Variants in PLXNA2 observed in about 807,000 individuals in gnomAD.
PLXNA2 encodes plexin A2.
Under a neutral mutation model 193.5 loss-of-function variants are expected in PLXNA2, and 91 were observed. The observed-to-expected ratio is 0.47, with a 90% CI of 0.40 to 0.56. The LOEUF (loss-of-function observed/expected upper bound fraction) is 0.56, where lower values mean the gene tolerates loss of function less well. Ranked by LOEUF, PLXNA2 falls within the 20% of genes least tolerant of loss-of-function variation. The pLI, the probability that PLXNA2 is intolerant of heterozygous loss-of-function variation, is 0.00. For missense variants in PLXNA2, 1,995 were observed against 2,503.2 expected, an observed-to-expected ratio of 0.80 and a Z score of 4.33; for synonymous variants, 997 against 1,027.3, an observed-to-expected ratio of 0.97 and a Z score of 0.56.
At chr1:208,154,686 G>T (rs1288284833) in intron 3 of PLXNA2, among the ~76,000 whole-genome samples, 10 of 152,136 alleles carry the variant, frequency 6.6e-5, no homozygotes, top group Non-Finnish European at 1.0e-4. Flanking sequence ...GATTTTTTTT[G>T]ATTTCCTTTC....
intron 3 of PLXNA2, among the ~76,000 whole-genome samples, chr1:208,195,531 T>C (rs1670328652): frequency 1.3e-5 from 2 of 151,970 alleles, no homozygotes; most frequent in South Asian, 4.2e-4. Context: ...TTATCTCCCA[T>C]TGTTTATGGC....
chr1:208,100,781 A>G, intron 5 of PLXNA2, among the ~76,000 whole-genome samples: 1 of 152,176 alleles, frequency 6.6e-6, no homozygotes, highest in East Asian at 1.9e-4. Flanking sequence ...GTTTCTCCCA[A>G]CATCTTCATC....
chr1:208,221,394 T>G (rs1278900681), intron 1 of PLXNA2, among the ~76,000 whole-genome samples: 2 of 143,374 alleles, frequency 1.4e-5, no homozygotes, highest in Non-Finnish European at 3.0e-5. Context: ...TTTTTTTTTT[T>G]TTTTTTTTTT....
chr1:208,239,154 T>TA lies in PLXNA2; in HGVS notation c.-81+4488dup, dbSNP rs35635470. 1.3e-3 allele frequency among the ~76,000 whole-genome samples: 188 copies of TA among 141,626 alleles called. 2 individuals are homozygous for TA. Among genetic ancestry groups the TA allele is most frequent in the South Asian group, 0.011 (49 of 4,344 alleles). 92.9% of individuals were successfully genotyped at this position (141,626 alleles called of 152,430 possible). A position where few individuals can be genotyped will look rare whatever the true frequency, so the allele number is the denominator to read the frequency against. ...TCATCTATTAATATTTTTTTTCTTCTAAAAAAAAAAAAAAGCACAAAAGCC... is the reference window on the plus strand; with the variant it reads ...TCATCTATTAATATTTTTTTTCTTCTAAAAAAAAAAAAAAAGCACAAAAGCC... On this transcript the variant is annotated intron_variant, in intron 1 of 31. Coordinates refer to ENST00000367033, the MANE Select transcript of PLXNA2 (RefSeq NM_025179.4).
At chr1:208,211,791 G>C (rs1670964200) in intron 2 of PLXNA2, among the ~76,000 whole-genome samples, 1 of 152,126 alleles carries the variant, frequency 6.6e-6, no homozygotes, top group African/African-American at 2.4e-5. Flanking sequence ...GGACAAGCAG[G>C]GTCCTCTTGT....
intron 13 of PLXNA2, among the ~76,000 whole-genome samples, chr1:208,058,293 G>A (rs915726475): frequency 6.6e-6 from 1 of 152,224 alleles, no homozygotes; most frequent in Admixed American, 6.5e-5. Context: ...TCCTGTGACT[G>A]AATCATCCAG....
At chr1:208,060,301 C>G (rs910660211) in intron 13 of PLXNA2, among the ~76,000 whole-genome samples, 30 of 152,202 alleles carry the variant, frequency 2.0e-4, no homozygotes, top group African/African-American at 7.0e-4. Flanking sequence ...AAGCTGCTGT[C>G]AGAGCCCCAC....
rs1011162596 is a variant in PLXNA2 at position 208,079,564 on chromosome 1, C to T, written c.2396-114G>A. Reference sequence around the variant, plus strand: ...AACTCTTCCCCACCATGGATAACACCACCAATCATCATTATCATTGCAAGA... The same window carrying T: ...AACTCTTCCCCACCATGGATAACACTACCAATCATCATTATCATTGCAAGA... On this transcript the variant is annotated intron_variant, in intron 11 of 31. Coordinates refer to ENST00000367033, the MANE Select transcript of PLXNA2 (RefSeq NM_025179.4). The T allele has an allele frequency of 1.8e-5, 13 of 719,890 alleles. No homozygotes were observed. In the African/African-American group the frequency reaches 2.3e-4, roughly 13 times the overall value. 44.6% of individuals were successfully genotyped at this position (719,890 alleles called of 1,614,324 possible).
At chr1:208,226,383 C>T (rs371437472) in intron 1 of PLXNA2, among the ~76,000 whole-genome samples, 7 of 151,862 alleles carry the variant, frequency 4.6e-5, no homozygotes, top group Non-Finnish European at 8.8e-5. Flanking sequence ...AGGCTCTGAT[C>T]GAGCCCTGGA....
At chr1:208,055,439 TG>T in intron 13 of PLXNA2, among the ~76,000 whole-genome samples, 1 of 151,152 alleles carries the variant, frequency 6.6e-6, no homozygotes, top group East Asian at 2.0e-4. Flanking sequence ...ATCAGGGACT[TG>T]GGGAAACTCT....
At position 208,027,126 on chromosome 1, in the gene PLXNA2, G is replaced by A. The variant is rs547481635; in HGVS notation, c.*117C>T. ...GAGTCCTCCCCTCTCCCCAGGATGGGGTCTCAGGGGACAGCAAGCTCTGGG... is the reference window on the plus strand; with the variant it reads ...GAGTCCTCCCCTCTCCCCAGGATGGAGTCTCAGGGGACAGCAAGCTCTGGG... On this transcript the variant is annotated 3_prime_UTR_variant, in exon 32 of 32. Coordinates refer to ENST00000367033, the MANE Select transcript of PLXNA2 (RefSeq NM_025179.4). The A allele has an allele frequency of 2.2e-6, 2 of 925,074 alleles. No homozygotes were observed. The highest frequency in any genetic ancestry group is 1.8e-5 in the Admixed American group (1 of 54,120). The allele number at this position is 925,074 out of a possible 1,614,324, so 57.3% of individuals were successfully genotyped here. A position where few individuals can be genotyped will look rare whatever the true frequency, so the allele number is the denominator to read the frequency against.
Position 208,216,844 on chromosome 1 carries a change from A to G in PLXNA2, c.1079T>C (p.Ile360Thr). Residue 360 changes from isoleucine (I) to threonine (T), a missense_variant, in exon 2 of 32, where the codon ATC (isoleucine) becomes ACC (threonine). Transcript: ENST00000367033. ...PDDSALCAFP[I>T]RAINLQIKER... Reference sequence around the variant, plus strand: ...CTTGATCTGCAAGTTGATGGCCCGGATAGGGAAGGCACACAGGGCAGAGTC... The same window carrying G: ...CTTGATCTGCAAGTTGATGGCCCGGGTAGGGAAGGCACACAGGGCAGAGTC... 1.2e-6 allele frequency: 2 copies of G among 1,614,148 alleles called. No homozygotes were observed. The highest frequency in any genetic ancestry group is 1.7e-6 in the Non-Finnish European group (2 of 1,180,014).
chr1:208,102,346 C>T (rs1667123595), intron 5 of PLXNA2, among the ~76,000 whole-genome samples: 1 of 152,258 alleles, frequency 6.6e-6, no homozygotes, highest in Non-Finnish European at 1.5e-5. Context: ...TTTCCAACTC[C>T]ATTGGGCAAC....
chr1:208,058,754 C>T (rs781198956), intron 13 of PLXNA2, among the ~76,000 whole-genome samples: 1 of 152,206 alleles, frequency 6.6e-6, no homozygotes, highest in African/African-American at 2.4e-5. Context: ...TGCAGCTTCT[C>T]TCGACACTTT....
intron 2 of PLXNA2, 97 bp from the exon 3 acceptor site, chr1:208,210,559 G>T: frequency 9.1e-7 from 1 of 1,098,732 alleles, no homozygotes; most frequent in Non-Finnish European, 1.3e-6. Flanking sequence ...TAGGACACCA[G>T]GCCTCAGAGA....
chr1:208,045,221 T>C lies in PLXNA2; in HGVS notation c.3496-11A>G, dbSNP rs1665020869. The C allele has an allele frequency of 3.1e-6, 5 of 1,613,152 alleles. No homozygotes were observed. Among genetic ancestry groups the C allele is most frequent in the Non-Finnish European group, 3.4e-6 (4 of 1,179,312 alleles). Reference sequence around the variant, plus strand: ...GCAGAGGTTTTTGCCCTGTAGAGAATAGCAGTCTTTATAGGCATAATTGAC... The same window carrying C: ...GCAGAGGTTTTTGCCCTGTAGAGAACAGCAGTCTTTATAGGCATAATTGAC... On this transcript the variant is annotated splice_polypyrimidine_tract_variant and intron_variant, in intron 18 of 31. Coordinates refer to ENST00000367033, the MANE Select transcript of PLXNA2 (RefSeq NM_025179.4).
At chr1:208,178,246 GC>G (rs1198674543) in intron 3 of PLXNA2, among the ~76,000 whole-genome samples, 2 of 152,180 alleles carry the variant, frequency 1.3e-5, no homozygotes, top group Non-Finnish European at 1.5e-5. Flanking sequence ...GTTATGAGAA[GC>G]CTTGCTTTGA....
In PLXNA2 at chr1:208,079,325, G is replaced by T. The variant is rs1666255292; in HGVS notation, c.2521C>A (p.Pro841Thr). The T allele has an allele frequency of 8.1e-6, 13 of 1,613,868 alleles. No homozygotes were observed. Among genetic ancestry groups the T allele is most frequent in the Non-Finnish European group, 1.1e-5 (13 of 1,179,762 alleles). The change falls in exon 12 of 32, where the codon CCT becomes ACT. Residue 841 changes from proline (P) to threonine (T), a missense_variant. By Grantham distance (38) the Pro-to-Thr change is conservative. Around this residue, in one of 3 missense-constraint regions of PLXNA2, gnomAD observed 1,291 missense variants for 1,673.6 expected, o/e 0.77. Coordinates refer to ENST00000367033, the MANE Select transcript of PLXNA2 (RefSeq NM_025179.4). The part of the protein sequence containing the change: ...RCTLHQHCTS[P>T]SSPWLDWSSH... ...GACCAGTCGAGCCAGGGGCTGGAAG[G>T]GCTGGTACAGTGCTGGTGGAGGGTG...
rs1671845342 is a variant in PLXNA2 at position 208,236,169 on chromosome 1, G to C, written c.-81+7474C>G. Among the ~76,000 whole-genome samples the C allele has an allele frequency of 6.6e-6, 1 of 152,146 alleles. No individual in the cohort carries two copies. The highest frequency in any genetic ancestry group is 2.4e-5 in the African/African-American group (1 of 41,436). On this transcript the variant is annotated intron_variant, in intron 1 of 31. Transcript: ENST00000367033. The surrounding 1 kb of genome is among the most constrained non-coding windows in gnomAD (Gnocchi z 4.4). ...CTGCCTGTGGACGGGGAAGGAGCCT[G>C]GGTCTTCCTGTCTGGCTTGGGCTGG... is the stretch of plus-strand genomic sequence containing the variant.
Sources: allele counts gnomAD v4.1 joint callset (sites outside exome capture counted in the v4.1 genomes callset), GRCh38; gene constraint gnomAD v4.1.1; regional missense constraint gnomAD v4.1.1; non-coding constraint Gnocchi (gnomAD v3.1); transcripts MANE v1.5; gene names NCBI Gene and HGNC (gene_info 2026-07-23, HGNC 2026-07-21).